Variants in USH2A observed in about 807,000 individuals in gnomAD.
The protein encoded by USH2A is Usher syndrome 2A (autosomal recessive, mild).
USH2A carries 443 observed loss-of-function variants against 538.9 expected under a neutral mutation model. The observed-to-expected ratio is 0.82, with a 90% CI of 0.76 to 0.89. The LOEUF (loss-of-function observed/expected upper bound fraction) is 0.89. Among genes scored for constraint, USH2A ranks in the 40% least tolerant of loss-of-function variants. The pLI is 0.00. For missense variants in USH2A, 6,633 were observed against 6,324.8 expected (o/e 1.05, Z -1.65); for synonymous variants, 2,413 against 2,273.5 (o/e 1.06, Z -1.75).
At chr1:215,776,634 G>A (rs924786332) in intron 55 of USH2A, among the ~76,000 whole-genome samples, 6 of 152,142 alleles carry the variant, frequency 3.9e-5, no homozygotes, top group Admixed American at 6.5e-5. Flanking sequence ...GGAATGCCAA[G>A]CTTTTGGAAA....
At chr1:216,172,095 T>C (rs533906415) in intron 21 of USH2A, among the ~76,000 whole-genome samples, 14 of 152,148 alleles carry the variant, frequency 9.2e-5, no homozygotes, top group African/African-American at 3.4e-4. Flanking sequence ...TAAACAACAT[T>C]TTAGGACATA....
chr1:215,798,642 A>G (rs1432066056), intron 50 of USH2A, among the ~76,000 whole-genome samples: 1 of 152,168 alleles, frequency 6.6e-6, no homozygotes, highest in Non-Finnish European at 1.5e-5. Flanking sequence ...TTCATAACCA[A>G]TGCATTCATG....
intron 61 of USH2A, among the ~76,000 whole-genome samples, chr1:215,684,754 T>C (rs1233039458): frequency 1.3e-5 from 2 of 152,232 alleles, no homozygotes; most frequent in East Asian, 1.9e-4. Context: ...CTTTCATTTA[T>C]GATTCTCCCT....
intron 70 of USH2A, among the ~76,000 whole-genome samples, chr1:215,632,943 GA>G (rs1314624832): frequency 6.6e-6 from 1 of 152,146 alleles, no homozygotes; most frequent in African/African-American, 2.4e-5. Context: ...GAGTGCCTAT[GA>G]TATGCCAGGC....
At chr1:215,702,201 T>C (rs1179481672) in intron 61 of USH2A, among the ~76,000 whole-genome samples, 2 of 152,242 alleles carry the variant, frequency 1.3e-5, no homozygotes, top group African/African-American at 2.4e-5. Context: ...GTTAGTCTGA[T>C]GGGCTTCCCT....
intron 32 of USH2A, among the ~76,000 whole-genome samples, chr1:216,027,614 A>G (rs1466697967): frequency 6.6e-6 from 1 of 152,202 alleles, no homozygotes; most frequent in East Asian, 1.9e-4. Flanking sequence ...CTGACTTGGA[A>G]GAAATGGCCC....
chr1:216,107,967 T>G (rs2032778320), intron 21 of USH2A, among the ~76,000 whole-genome samples: 1 of 151,908 alleles, frequency 6.6e-6, no homozygotes, highest in Admixed American at 6.6e-5. Flanking sequence ...CAGTTTAATT[T>G]TATATATGTT....
intron 4 of USH2A, among the ~76,000 whole-genome samples, chr1:216,337,414 G>A (rs897216717): frequency 2.6e-5 from 4 of 151,276 alleles, no homozygotes; most frequent in African/African-American, 9.7e-5. Context: ...AAAGGAAAAC[G>A]ACAGGACCAA....
intron 27 of USH2A, among the ~76,000 whole-genome samples, chr1:216,073,560 A>T (rs898310556): frequency 2.6e-5 from 4 of 152,164 alleles, no homozygotes; most frequent in Non-Finnish European, 4.4e-5. Context: ...AAAAGCATTT[A>T]TTTTACCTCC....
At chr1:216,030,985 C>CT (rs568813236) in intron 32 of USH2A, among the ~76,000 whole-genome samples, 1 of 151,646 alleles carries the variant, frequency 6.6e-6, no homozygotes, top group Non-Finnish European at 1.5e-5. Flanking sequence ...TAATTTCTGC[C>CT]TTTTTTTTCT....
chr1:216,157,174 C>T (rs1168312945), intron 21 of USH2A, among the ~76,000 whole-genome samples: 1 of 152,072 alleles, frequency 6.6e-6, no homozygotes, highest in Non-Finnish European at 1.5e-5. Context: ...CCCAGCCAAA[C>T]ATACACTTCA....
In USH2A at chr1:216,048,647, C is replaced by A; in HGVS notation, c.6050G>T (p.Gly2017Val). ...AEFVNTSNLT[G>V]ILTGLLPFKN... ...GAAGGGTAGCAAGCCTGTCAATATGCCTATAATAAAAAGGGACAAAAGAGG... is the reference window on the plus strand; with the variant it reads ...GAAGGGTAGCAAGCCTGTCAATATGACTATAATAAAAAGGGACAAAAGAGG... Residue 2017 changes from glycine to valine, a missense_variant and splice_region_variant, in exon 31 of 72, where the codon GGC becomes GTC. By Grantham distance (109) the Gly-to-Val change is moderately radical (BLOSUM62 -3). Coordinates refer to ENST00000307340, the MANE Select transcript of USH2A (RefSeq NM_206933.4). The A allele has an allele frequency of 6.2e-7, 1 of 1,613,382 alleles. No homozygotes were observed. Among genetic ancestry groups the A allele is most frequent in the Non-Finnish European group, 8.5e-7 (1 of 1,179,492 alleles).
At chr1:215,683,371 G>T (rs1055031139) in intron 61 of USH2A, among the ~76,000 whole-genome samples, 1 of 152,048 alleles carries the variant, frequency 6.6e-6, no homozygotes, top group Non-Finnish European at 1.5e-5. Flanking sequence ...AAAATGACAA[G>T]ATAATCCTTG....
At chr1:215,950,691 T>C (rs951778109) in intron 37 of USH2A, among the ~76,000 whole-genome samples, 1 of 151,782 alleles carries the variant, frequency 6.6e-6, no homozygotes, top group African/African-American at 2.4e-5. Context: ...TTTGTATTTT[T>C]AGTAGAAATG....
At chr1:215,861,433 G>C (rs1019862865) in intron 44 of USH2A, among the ~76,000 whole-genome samples, 8 of 152,202 alleles carry the variant, frequency 5.3e-5, no homozygotes, top group Admixed American at 3.3e-4. Context: ...TAAAATCCAT[G>C]TTAATTTGTA....
At chr1:216,350,798 G>A (rs186464387) in intron 4 of USH2A, among the ~76,000 whole-genome samples, 181 of 152,286 alleles carry the variant, frequency 1.2e-3, no homozygotes, top group Non-Finnish European at 2.4e-3. Flanking sequence ...GGGTTCTGGA[G>A]TATGGTGGCC....
At chr1:215,714,497 A>G (rs1659427246) in intron 61 of USH2A, among the ~76,000 whole-genome samples, 1 of 152,232 alleles carries the variant, frequency 6.6e-6, no homozygotes, top group Non-Finnish European at 1.5e-5. Context: ...ATGGGTTCTC[A>G]TTAATATTAA....
chr1:216,307,253 G>C (rs1277107410), intron 9 of USH2A, among the ~76,000 whole-genome samples: 1 of 152,122 alleles, frequency 6.6e-6, no homozygotes, highest in Non-Finnish European at 1.5e-5. Flanking sequence ...GCTGCTCTGA[G>C]TGTTGGGGGT....
At chr1:216,257,093 G>A (rs900563575) in intron 11 of USH2A, among the ~76,000 whole-genome samples, 39 of 151,574 alleles carry the variant, frequency 2.6e-4, no homozygotes, top group African/African-American at 8.7e-4. Context: ...AATACCCTCC[G>A]TATTTACCAA....
Sources: allele counts gnomAD v4.1 joint callset (sites outside exome capture counted in the v4.1 genomes callset), GRCh38; gene constraint gnomAD v4.1.1; transcripts MANE v1.5; gene names NCBI Gene and HGNC (gene_info 2026-07-23, HGNC 2026-07-21).